The following NELL1 variants were observed in gnomAD, a reference collection of about 807,000 sequenced individuals.
NELL1 encodes the protein neural EGFL like 1.
Under a neutral mutation model 107.4 loss-of-function variants are expected in NELL1, and 76 were observed. That is an observed-to-expected ratio of 0.71 (90% CI 0.59 to 0.86). The LOEUF is 0.86. Ranked by LOEUF, NELL1 falls within the 40% of genes least tolerant of loss-of-function variation. The pLI, the probability that NELL1 is intolerant of heterozygous loss-of-function variation, is 0.00. For synonymous variants in NELL1, 353 were observed against 341.2 expected, an observed-to-expected ratio of 1.03 and a Z score of -0.38; for missense variants, 1,024 against 1,005.5, an observed-to-expected ratio of 1.02 and a Z score of -0.25.
chr11:20,936,154 C>T (rs556263435), intron 9 of NELL1, among the ~76,000 whole-genome samples: 1 of 152,260 alleles, frequency 6.6e-6, no homozygotes, highest in Admixed American at 6.5e-5. Flanking sequence ...ATGCCGAACT[C>T]ATTCCTACAG....
Position 20,797,264 on chromosome 11 carries a change from A to G in NELL1, c.335+13434A>G, listed in dbSNP as rs971775278. ...GCATGGAGGGGGCAAAATTGGAGAC[A>G]TAAAGACAGGAGGTTGCTGGCCGGG... On this transcript the variant is annotated intron_variant, in intron 3 of 19. Coordinates refer to ENST00000357134, the MANE Select transcript of NELL1 (RefSeq NM_006157.5). Among the ~76,000 whole-genome samples the G allele has an allele frequency of 8.5e-5, 13 of 152,290 alleles. No individual in the cohort carries two copies. The East Asian group carries it at 2.1e-3, about 25-fold the overall frequency.
At chr11:21,477,266 A>C (rs1044646327) in intron 15 of NELL1, among the ~76,000 whole-genome samples, 5 of 152,180 alleles carry the variant, frequency 3.3e-5, no homozygotes, top group Non-Finnish European at 5.9e-5. Context: ...ATACTGGTTC[A>C]GCCACAGTAA....
chr11:21,196,321 T>C (rs1565105596), intron 13 of NELL1, among the ~76,000 whole-genome samples: 1 of 152,142 alleles, frequency 6.6e-6, no homozygotes, highest in Non-Finnish European at 1.5e-5. Flanking sequence ...ATAATCCAGA[T>C]GGCTTAAAAG....
intron 12 of NELL1, among the ~76,000 whole-genome samples, chr11:21,058,120 C>G (rs765104100): frequency 6.6e-6 from 1 of 151,984 alleles, no homozygotes. Context: ...TAATATATAA[C>G]TGATAGACTG....
intron 3 of NELL1, among the ~76,000 whole-genome samples, chr11:20,827,170 A>G (rs1377043697): frequency 6.6e-6 from 1 of 151,230 alleles, no homozygotes; most frequent in Non-Finnish European, 1.5e-5. Flanking sequence ...CACGAACATT[A>G]ATGTCTAATT....
chr11:21,149,917 G>T (rs1565084617), intron 13 of NELL1, among the ~76,000 whole-genome samples: 1 of 152,132 alleles, frequency 6.6e-6, no homozygotes, highest in Non-Finnish European at 1.5e-5. Context: ...ACAAAACAGA[G>T]TGAAGCTGTA....
At chr11:21,063,088 T>TCC (rs75244351) in intron 12 of NELL1, among the ~76,000 whole-genome samples, 1 of 151,740 alleles carries the variant, frequency 6.6e-6, no homozygotes, top group African/African-American at 2.4e-5. Context: ...GCTCCAGTGA[T>TCC]CCCCCTGCCT....
chr11:21,251,001 C>G (rs1858623944), intron 14 of NELL1, among the ~76,000 whole-genome samples: 1 of 152,054 alleles, frequency 6.6e-6, no homozygotes, highest in East Asian at 1.9e-4. Context: ...TTCTCTTTTC[C>G]TTTTGAGTCC....
Position 21,229,435 on chromosome 11 carries a change from G to A in NELL1, c.1530G>A (p.Gly510=), listed in dbSNP as rs771555654. The change falls in exon 14 of 20, where the codon GGG becomes GGA. Residue 510 remains glycine, a synonymous_variant. Transcript: ENST00000357134. ...HSCTCKPGYV[G]NGTICRAFCE... ...GCACCTGCAAACCGGGCTACGTGGG[G>A]AACGGGACCATCTGCAGAGGTAGGC... The A allele has an allele frequency of 6.2e-7, 1 of 1,613,782 alleles. No homozygotes were observed. Among genetic ancestry groups the A allele is most frequent in the Non-Finnish European group, 8.5e-7 (1 of 1,179,894 alleles).
chr11:21,271,693 A>G (rs1848742807), intron 14 of NELL1, among the ~76,000 whole-genome samples: 1 of 152,216 alleles, frequency 6.6e-6, no homozygotes, highest in Non-Finnish European at 1.5e-5. Flanking sequence ...ATAGCCTGGT[A>G]TTTCTCATGA....
intron 11 of NELL1, among the ~76,000 whole-genome samples, chr11:20,953,494 G>T (rs56948631): frequency 1.3e-5 from 2 of 152,002 alleles, no homozygotes; most frequent in African/African-American, 4.8e-5. Context: ...AGTGTGGGGG[G>T]GCCTCAGTGT....
chr11:20,897,008 G>T (rs1015395549), intron 5 of NELL1, among the ~76,000 whole-genome samples: 8 of 152,084 alleles, frequency 5.3e-5, no homozygotes, highest in Middle Eastern at 3.2e-3. Context: ...TATAGATTCA[G>T]TGCCATCCCC....
At chr11:20,733,171 A>G (rs1224736692) in intron 2 of NELL1, among the ~76,000 whole-genome samples, 3 of 152,138 alleles carry the variant, frequency 2.0e-5, no homozygotes, top group Non-Finnish European at 4.4e-5. Flanking sequence ...CTCTTCCTCT[A>G]TCTTCCTTCC....
At chr11:21,283,158 A>G (rs1849036007) in intron 14 of NELL1, among the ~76,000 whole-genome samples, 1 of 152,276 alleles carries the variant, frequency 6.6e-6, no homozygotes, top group South Asian at 2.1e-4. Context: ...ACATTTTTAA[A>G]TAACTAAATG....
chr11:20,683,788 G>C (rs887975616), intron 2 of NELL1, among the ~76,000 whole-genome samples: 2 of 151,938 alleles, frequency 1.3e-5, no homozygotes, highest in African/African-American at 2.4e-5. Flanking sequence ...ATTCTTTAAA[G>C]ATGTCTTTTC....
At chr11:21,319,303 G>T (rs1274967836) in intron 14 of NELL1, among the ~76,000 whole-genome samples, 1 of 151,650 alleles carries the variant, frequency 6.6e-6, no homozygotes, top group Non-Finnish European at 1.5e-5. Context: ...AGCCTCCCAA[G>T]TAGCTGGAAT....
intron 12 of NELL1, among the ~76,000 whole-genome samples, chr11:21,053,638 G>A (rs1471638511): frequency 6.6e-6 from 1 of 152,074 alleles, no homozygotes; most frequent in Non-Finnish European, 1.5e-5. Context: ...ATACAGTGAA[G>A]GGAAAAAACC....
chr11:20,836,094 C>G (rs556708251), intron 3 of NELL1, among the ~76,000 whole-genome samples: 2 of 152,016 alleles, frequency 1.3e-5, no homozygotes, highest in South Asian at 4.2e-4. Flanking sequence ...GTAAACTCAA[C>G]AATAAGTAAA....
intron 12 of NELL1, among the ~76,000 whole-genome samples, chr11:20,992,376 TTTG>T (rs1284989359): frequency 6.6e-6 from 1 of 152,166 alleles, no homozygotes; most frequent in African/African-American, 2.4e-5. Flanking sequence ...TTTTGGGTAT[TTTG>T]TTGTTGTTGT....
Sources: gnomAD v4.1 joint callset for allele counts (sites outside exome capture counted in the v4.1 genomes callset) on GRCh38, gnomAD v4.1.1 for gene constraint, MANE v1.5 for transcripts, NCBI Gene and HGNC (gene_info 2026-07-23, HGNC 2026-07-21) for gene names.